The following ZFHX3 variants were observed in gnomAD, a reference collection of about 807,000 sequenced individuals.
The protein encoded by ZFHX3 is zinc finger homeobox 3.
A neutral mutation model predicts 279.1 loss-of-function variants in ZFHX3; 42 were observed. The observed-to-expected ratio is 0.15, with a 90% CI of 0.12 to 0.19. The LOEUF is 0.19. Ranked by LOEUF, ZFHX3 falls within the 10% of genes least tolerant of loss-of-function variation. The pLI is 1.00. For synonymous variants in ZFHX3, 2,293 were observed against 1,957.8 expected (o/e 1.17, Z -4.52); for missense variants, 4,981 against 4,754.0 (o/e 1.05, Z -1.40).
chr16:72,870,368 G>C (rs2038125764), intron 4 of ZFHX3, among the ~76,000 whole-genome samples: 1 of 151,434 alleles, frequency 6.6e-6, no homozygotes, highest in African/African-American at 2.4e-5. Flanking sequence ...CTCCAGCCTG[G>C]GTGACAGAGC....
At chr16:73,334,486 T>C (rs1307897606) in intron 3 of ZFHX3, among the ~76,000 whole-genome samples, 1 of 152,144 alleles carries the variant, frequency 6.6e-6, no homozygotes, top group Non-Finnish European at 1.5e-5. Flanking sequence ...CTTCAGCTCT[T>C]GGAGCTGAAG....
intron 4 of ZFHX3, among the ~76,000 whole-genome samples, chr16:73,304,821 G>A (rs1437220015): frequency 2.6e-5 from 4 of 152,132 alleles, no homozygotes; most frequent in Non-Finnish European, 4.4e-5. Context: ...CTCACCTGAT[G>A]GGAGATGGGC....
intron 1 of ZFHX3, among the ~76,000 whole-genome samples, chr16:73,682,371 G>A (rs556805917): frequency 2.6e-5 from 4 of 152,204 alleles, no homozygotes; most frequent in African/African-American, 7.2e-5. Context: ...ACATGGGAAT[G>A]TTGTTTTGGA....
In ZFHX3 at chr16:72,798,241, G is replaced by C; in HGVS notation, c.4441C>G (p.Leu1481Val). The change falls in exon 9 of 10, where the codon CTG (leucine) becomes GTG (valine). Residue 1481 changes from leucine to valine, a missense_variant. By Grantham distance (32) the Leu-to-Val change is conservative. Coordinates refer to ENST00000268489, the MANE Select transcript of ZFHX3 (RefSeq NM_006885.4). ...ACAATTATGGTATGGTCCTCTGCCA[G>C]AGTGGGGTCTCCCATTGCCAGGAGG... ...GDLLAMGDPTLAEDHTIIVEE... is the reference protein window; with the variant it reads ...GDLLAMGDPTVAEDHTIIVEE... The C allele has an allele frequency of 1.2e-6, 2 of 1,614,182 alleles. No individual in the cohort carries two copies. The highest frequency in any genetic ancestry group is 1.7e-6 in the Non-Finnish European group (2 of 1,180,052).
At chr16:73,135,490 A>G (rs537163663) in intron 6 of ZFHX3, among the ~76,000 whole-genome samples, 14 of 152,200 alleles carry the variant, frequency 9.2e-5, no homozygotes, top group Non-Finnish European at 1.9e-4. Flanking sequence ...GAACTCTTCA[A>G]TGTAAATTAT....
intron 1 of ZFHX3, among the ~76,000 whole-genome samples, chr16:73,017,148 C>A (rs540821915): frequency 6.6e-6 from 1 of 151,688 alleles, no homozygotes; most frequent in Admixed American, 6.6e-5. Flanking sequence ...AGATCACCTC[C>A]CTCAGCCTTG....
chr16:73,884,126 T>C (rs1388535627), intron 1 of ZFHX3, among the ~76,000 whole-genome samples: 1 of 152,204 alleles, frequency 6.6e-6, no homozygotes, highest in Non-Finnish European at 1.5e-5. Flanking sequence ...CATATTTTTA[T>C]ACTACTCGCA....
At chr16:73,047,531 A>T (rs1011822390) in intron 1 of ZFHX3, among the ~76,000 whole-genome samples, 1 of 152,076 alleles carries the variant, frequency 6.6e-6, no homozygotes. Context: ...GGGAGGACAG[A>T]GGGAAGGGAA....
Position 73,850,580 on chromosome 16 carries a change from T to G in ZFHX3, c.-1608+41071A>C, listed in dbSNP as rs190026089. 1.4e-3 allele frequency among the ~76,000 whole-genome samples: 207 copies of G among 152,306 alleles called. 1 individual carries two copies. Among genetic ancestry groups the G allele is most frequent in the African/African-American group, 4.8e-3 (198 of 41,552 alleles). On this transcript the variant is annotated intron_variant, in intron 1 of 17. Transcript: ENST00000641206. ...GAGTAAGTTAGAATGTGCTTTCAGG[T>G]GAAGTCTCCTTTCATTCCCATCCCA...
intron 1 of ZFHX3, among the ~76,000 whole-genome samples, chr16:73,010,066 G>A (rs980701853): frequency 1.5e-4 from 22 of 150,130 alleles, no homozygotes; most frequent in Non-Finnish European, 2.5e-4. Context: ...CACAGCACCT[G>A]GGGGCTTCCA....
chr16:73,772,260 TCA>T (rs1159753198), intron 1 of ZFHX3, among the ~76,000 whole-genome samples: 3 of 152,212 alleles, frequency 2.0e-5, no homozygotes, highest in African/African-American at 7.2e-5. Flanking sequence ...TTTATTGGAC[TCA>T]CAGTTCCACA....
intron 1 of ZFHX3, among the ~76,000 whole-genome samples, chr16:73,866,829 C>T (rs185034842): frequency 5.9e-5 from 9 of 152,302 alleles, no homozygotes; most frequent in Non-Finnish European, 1.3e-4. Context: ...CTGTTGACAG[C>T]TACGGGCATC....
In ZFHX3 at chr16:73,454,371, G is replaced by A. The variant is rs550092023; in HGVS notation, c.-1291+1632C>T. On this transcript the variant is annotated intron_variant, in intron 3 of 17. Coordinates refer to the ZFHX3 transcript ENST00000641206. Reference sequence around the variant, plus strand: ...ATGGTAGGTTCTTTGAAGTAGACTCGACAGACTTAGTGGAAATTTTGAACC... The same window carrying A: ...ATGGTAGGTTCTTTGAAGTAGACTCAACAGACTTAGTGGAAATTTTGAACC... Among the ~76,000 whole-genome samples, 169 of 152,108 alleles carry A rather than the reference G, an allele frequency of 1.1e-3. No individual in the cohort carries two copies. In the Middle Eastern group the frequency reaches 0.017, roughly 15 times the overall value.
At chr16:73,888,314 G>A (rs1343832390) in intron 1 of ZFHX3, among the ~76,000 whole-genome samples, 1 of 151,886 alleles carries the variant, frequency 6.6e-6, no homozygotes, top group Admixed American at 6.6e-5. Flanking sequence ...TTCCCCCCAC[G>A]GAAACATAAT....
chr16:72,830,390 G>T (rs1466707952), intron 4 of ZFHX3, among the ~76,000 whole-genome samples: 1 of 152,234 alleles, frequency 6.6e-6, no homozygotes, highest in Non-Finnish European at 1.5e-5. Flanking sequence ...AGGTTGCGAA[G>T]AGTCACAGAA....
chr16:73,560,590 C>G (rs1437407281), intron 2 of ZFHX3, among the ~76,000 whole-genome samples: 3 of 152,206 alleles, frequency 2.0e-5, no homozygotes, highest in Admixed American at 2.0e-4. Context: ...AAATCCAGGT[C>G]TGGAGGATAA....
At chr16:73,324,889 A>G (rs2143207661) in intron 3 of ZFHX3, among the ~76,000 whole-genome samples, 1 of 152,362 alleles carries the variant, frequency 6.6e-6, no homozygotes. Context: ...GTTTTGTGAC[A>G]GCCCAGAGTG....
intron 1 of ZFHX3, among the ~76,000 whole-genome samples, chr16:73,700,033 G>T (rs1441715841): frequency 6.6e-6 from 1 of 152,064 alleles, no homozygotes; most frequent in East Asian, 1.9e-4. Flanking sequence ...GACCAGCCTG[G>T]GTGACATAGT....
chr16:73,230,174 A>C (rs1020833366), intron 5 of ZFHX3, among the ~76,000 whole-genome samples: 1 of 152,224 alleles, frequency 6.6e-6, no homozygotes, highest in African/African-American at 2.4e-5. Flanking sequence ...TTGATATATA[A>C]ATGAATATTG....
Sources: allele counts gnomAD v4.1 joint callset (sites outside exome capture counted in the v4.1 genomes callset), GRCh38; gene constraint gnomAD v4.1.1; transcripts MANE v1.5; gene names NCBI Gene and HGNC (gene_info 2026-07-23, HGNC 2026-07-21).